Variants in SRCIN1 observed in about 807,000 individuals in gnomAD.
SRCIN1 encodes SRC kinase signaling inhibitor 1.
SRCIN1 carries 50 observed loss-of-function variants against 116.2 expected under a neutral mutation model. That is an observed-to-expected ratio of 0.43 (90% CI 0.34 to 0.54). The LOEUF is 0.54. SRCIN1 is among the 20% of genes least tolerant of loss of function. The pLI is 0.02. For missense variants in SRCIN1, 1,446 were observed against 1,672.0 expected (o/e 0.86, Z 2.36); for synonymous variants, 736 against 750.0 (o/e 0.98, Z 0.30).
In SRCIN1 at chr17:38,605,710, C is replaced by CGGGGGCGCG. The variant is rs2143493266; in HGVS notation, c.-14_-6dup. 1.1e-6 allele frequency: 1 copy of CGGGGGCGCG among 949,312 alleles called. No homozygotes were observed. The allele number at this position is 949,312 out of a possible 1,614,324, so 58.8% of individuals were successfully genotyped here. On this transcript the variant is annotated 5_prime_UTR_variant, in exon 1 of 19. Coordinates refer to ENST00000617146, the MANE Select transcript of SRCIN1 (RefSeq NM_025248.3). Reference sequence around the variant, plus strand: ...TTGGGACGGAGCGTTCCCCATCGGGCGGGGGCGCGGGGGGCGGGGGCCCCG... The same window carrying CGGGGGCGCG: ...TTGGGACGGAGCGTTCCCCATCGGGCGGGGGCGCGGGGGGCGCGGGGGGCGGGGGCCCCG...
chr17:38,556,951 C>A (rs750920016), intron 11 of SRCIN1, among the ~76,000 whole-genome samples: 1 of 152,164 alleles, frequency 6.6e-6, no homozygotes, highest in African/African-American at 2.4e-5. Flanking sequence ...CTCCTCTGGG[C>A]TGAATGAAAA....
chr17:38,567,604 G>T (rs554780754), intron 3 of SRCIN1, among the ~76,000 whole-genome samples: 4 of 152,212 alleles, frequency 2.6e-5, no homozygotes, highest in Admixed American at 2.6e-4. Context: ...TCTCCCAGGG[G>T]TCAACAGGAT....
chr17:38,543,697 GA>G, intron 18 of SRCIN1, 125 bp downstream of exon 18: 1 of 1,364,984 alleles, frequency 7.3e-7, no homozygotes, highest in Non-Finnish European at 9.8e-7. Context: ...TCCTGGCAGG[GA>G]AGGTCTGTCT....
intron 18 of SRCIN1, among the ~76,000 whole-genome samples, chr17:38,535,668 C>T (rs896331847): frequency 1.3e-5 from 2 of 152,148 alleles, no homozygotes; most frequent in Admixed American, 6.5e-5. Flanking sequence ...GGCCTGGAGA[C>T]AAACTCATCC....
chr17:38,552,874 C>T lies in SRCIN1; in HGVS notation c.2202-19G>A, dbSNP rs890427437. 1.9e-6 allele frequency: 3 copies of T among 1,604,412 alleles called. No homozygotes were observed. The African/African-American group carries it at 4.0e-5, about 22-fold the overall frequency. ...CAGGTCACTGCAGCCACAGAGAGAC[C>T]CTTTCAGCCCTTTTGGCCTGAGATG... On this transcript the variant is annotated intron_variant, in intron 11 of 18. Coordinates refer to ENST00000617146, the MANE Select transcript of SRCIN1 (RefSeq NM_025248.3). This position sits in a 1 kb window ranked among gnomAD's most constrained non-coding sequence, Gnocchi z 5.3.
intron 1 of SRCIN1, among the ~76,000 whole-genome samples, chr17:38,605,460 G>A: frequency 6.7e-6 from 1 of 148,256 alleles, no homozygotes; most frequent in South Asian, 2.2e-4. Context: ...CCCTTCTCTG[G>A]TCCCAGCACT....
In SRCIN1 at chr17:38,563,754, T is replaced by TG; in HGVS notation, c.542-234dup. The TG allele has an allele frequency of 1.4e-6, 1 of 691,550 alleles. No individual in the cohort carries two copies. The highest frequency in any genetic ancestry group is 1.6e-5 in the South Asian group (1 of 63,588). 42.8% of individuals were successfully genotyped at this position (691,550 alleles called of 1,614,324 possible). On this transcript the variant is annotated intron_variant, in intron 4 of 18. Coordinates refer to ENST00000617146, the MANE Select transcript of SRCIN1 (RefSeq NM_025248.3). This position sits in a 1 kb window ranked among gnomAD's most constrained non-coding sequence, Gnocchi z 5.8. ...TGGACTCCAGGCAGTTGAAGGAACT[T>TG]GGACAAGGAAATGGAAGTGGGGGCA...
chr17:38,538,338 A>G (rs2144886561), intron 18 of SRCIN1, among the ~76,000 whole-genome samples: 1 of 148,246 alleles, frequency 6.7e-6, no homozygotes, highest in Non-Finnish European at 1.5e-5. Context: ...AATCACTTGA[A>G]CCCAGGAGGC....
At chr17:38,534,424 G>C (rs968285694) in intron 18 of SRCIN1, among the ~76,000 whole-genome samples, 1 of 152,172 alleles carries the variant, frequency 6.6e-6, no homozygotes. Flanking sequence ...CTGGATTAAG[G>C]CTACACAGAC....
rs1333790832 is a variant in SRCIN1, at chr17:38,604,585, G to A, written c.22+1099C>T. ...ACCAGGCCAGGGCAAAGCGCCGGAG[G>A]CACTGCCAGGGCTGCATGGGGACGC... is the stretch of plus-strand genomic sequence containing the variant. On this transcript the variant is annotated intron_variant, in intron 1 of 18. Coordinates refer to ENST00000617146, the MANE Select transcript of SRCIN1 (RefSeq NM_025248.3). The surrounding 1 kb of genome is among the most constrained non-coding windows in gnomAD (Gnocchi z 4.3). The A allele has an allele frequency of 4.4e-6, 2 of 452,044 alleles. No individual in the cohort carries two copies. The highest frequency in any genetic ancestry group is 8.9e-6 in the Non-Finnish European group (2 of 225,356). The allele number at this position is 452,044 out of a possible 1,614,324, so 28.0% of individuals were successfully genotyped here.
In SRCIN1 at chr17:38,562,162, C is replaced by A; in HGVS notation, c.1001G>T (p.Gly334Val). 7.3e-7 allele frequency: 1 copy of A among 1,368,668 alleles called. No individual in the cohort carries two copies. The highest frequency in any genetic ancestry group is 1.7e-5 in the South Asian group (1 of 58,482). The allele number at this position is 1,368,668 out of a possible 1,614,324, so 84.8% of individuals were successfully genotyped here. The change falls in exon 7 of 19, where the codon GGG becomes GTG. Residue 334 changes from glycine to valine, a missense_variant. Gly to Val is a moderately radical substitution (Grantham distance 109, BLOSUM62 -3). Transcript: ENST00000617146. This position sits in a 1 kb window ranked among gnomAD's most constrained non-coding sequence, Gnocchi z 4.2. Reference protein sequence around the residue: ...SPSRSRLSYAGGRPPSYAGSP... With the variant: ...SPSRSRLSYAVGRPPSYAGSP... Reference sequence around the variant, plus strand: ...GCCGGCGTACGAAGGCGGGCGCCCCCCGGCGTACGATAGGCGCGAACGCGA... The same window carrying A: ...GCCGGCGTACGAAGGCGGGCGCCCCACGGCGTACGATAGGCGCGAACGCGA...
chr17:38,564,011 G>C (rs776806518), intron 4 of SRCIN1, 107 bp downstream of exon 4: 15 of 1,301,404 alleles, frequency 1.2e-5, no homozygotes, highest in Non-Finnish European at 1.6e-5. Flanking sequence ...AAAGAGAGCA[G>C]AGCTTGAGGC....
In SRCIN1 at chr17:38,600,592, A is replaced by G. The variant is rs992067252; in HGVS notation, c.22+5092T>C. On this transcript the variant is annotated intron_variant, in intron 1 of 18. Coordinates refer to ENST00000617146, the MANE Select transcript of SRCIN1 (RefSeq NM_025248.3). ...CAAGGGCAGGACTTGCCATGGGTTG[A>G]GCCTGGGAGGTGAAGCCGGAGGAGG... Among the ~76,000 whole-genome samples the G allele has an allele frequency of 2.6e-5, 4 of 152,186 alleles. No individual in the cohort carries two copies. In the South Asian group the frequency reaches 8.3e-4, roughly 31 times the overall value.
intron 1 of SRCIN1, among the ~76,000 whole-genome samples, chr17:38,579,707 G>A (rs899237304): frequency 6.6e-6 from 1 of 152,140 alleles, no homozygotes; most frequent in Non-Finnish European, 1.5e-5. Flanking sequence ...GGGGGTTGAG[G>A]TCCCACGCGG....
chr17:38,590,179 G>A (rs1908364302), intron 1 of SRCIN1, among the ~76,000 whole-genome samples: 1 of 152,220 alleles, frequency 6.6e-6, no homozygotes, highest in Non-Finnish European at 1.5e-5. Flanking sequence ...AGTGACGAGG[G>A]TTAAACCCAG....
intron 1 of SRCIN1, among the ~76,000 whole-genome samples, chr17:38,582,629 G>A (rs541577364): frequency 2.0e-5 from 3 of 152,344 alleles, no homozygotes; most frequent in Admixed American, 1.3e-4. Context: ...AGAGAGAGGG[G>A]AGGGGGCAGG....
rs1479665439 is a variant in SRCIN1 at position 38,531,572 on chromosome 17, A to T, written c.*1725T>A. 2 of 136,380 alleles carry T rather than the reference A, an allele frequency of 1.5e-5. No individual in the cohort carries two copies. Among genetic ancestry groups the T allele is most frequent in the African/African-American group, 5.4e-5 (2 of 36,810 alleles). 8.4% of individuals were successfully genotyped at this position (136,380 alleles called of 1,614,324 possible). ...GTCCTTTTTTTTTTTTCTATTTTCCAGGGTTTTTTTTTTTTTCCAGGAGGG... is the reference window on the plus strand; with the variant it reads ...GTCCTTTTTTTTTTTTCTATTTTCCTGGGTTTTTTTTTTTTTCCAGGAGGG... On this transcript the variant is annotated 3_prime_UTR_variant, in exon 19 of 19. Transcript: ENST00000617146.
At chr17:38,539,204 G>C (rs1235344907) in intron 18 of SRCIN1, among the ~76,000 whole-genome samples, 1 of 152,180 alleles carries the variant, frequency 6.6e-6, no homozygotes, top group Non-Finnish European at 1.5e-5. Context: ...AAGGTATAAA[G>C]TTGTAAACTT....
At chr17:38,551,576 C>T (rs1905413055) in intron 14 of SRCIN1, 187 bp from the exon 15 acceptor site, 3 of 645,924 alleles carry the variant, frequency 4.6e-6, no homozygotes, top group Non-Finnish European at 5.3e-6. Flanking sequence ...GTAGGAATGC[C>T]ACCCTCATTA....
Sources: allele counts gnomAD v4.1 joint callset (sites outside exome capture counted in the v4.1 genomes callset), GRCh38; gene constraint gnomAD v4.1.1; non-coding constraint Gnocchi (gnomAD v3.1); transcripts MANE v1.5; gene names NCBI Gene and HGNC (gene_info 2026-07-23, HGNC 2026-07-21).